The following TGFB2 variants were observed in gnomAD, a reference collection of about 807,000 sequenced individuals.
TGFB2 encodes transforming growth factor beta-2 proprotein.
Under a neutral mutation model 42.7 loss-of-function variants are expected in TGFB2, and 13 were observed. The observed-to-expected ratio is 0.30, with a 90% confidence interval of 0.20 to 0.48. TGFB2 has a LOEUF of 0.48. Ranked by LOEUF, TGFB2 falls within the 20% of genes least tolerant of loss-of-function variation. The pLI, the probability that TGFB2 is intolerant of heterozygous loss-of-function variation, is 0.99. For synonymous variants in TGFB2, 193 were observed against 193.6 expected (o/e 1.00, Z 0.03); for missense variants, 390 against 517.5 (o/e 0.75, Z 2.39).
At chr1:218,408,258 A>G (rs1263377039) in intron 2 of TGFB2, among the ~76,000 whole-genome samples, 5 of 152,026 alleles carry the variant, frequency 3.3e-5, no homozygotes, top group African/African-American at 4.8e-5. Context: ...GGCCCATCCC[A>G]TCTCCAGGAA....
At chr1:218,414,050 T>G (rs1399724088) in intron 2 of TGFB2, among the ~76,000 whole-genome samples, 1 of 152,168 alleles carries the variant, frequency 6.6e-6, no homozygotes, top group East Asian at 1.9e-4. Context: ...TGCAACAGAT[T>G]TTAAAATGCA....
At chr1:218,380,998 G>T (rs764825028) in intron 1 of TGFB2, among the ~76,000 whole-genome samples, 4 of 152,154 alleles carry the variant, frequency 2.6e-5, no homozygotes, top group Non-Finnish European at 4.4e-5. Context: ...AGCTGAGAGA[G>T]TTAATTACCC....
In TGFB2 at chr1:218,436,216, T is replaced by C. The variant is rs2102628787; in HGVS notation, c.932+69T>C. The C allele has an allele frequency of 6.5e-6, 10 of 1,533,346 alleles. No homozygotes were observed. The South Asian group carries it at 1.1e-4, about 17-fold the overall frequency. The allele number at this position is 1,533,346 out of a possible 1,614,324, so 95.0% of individuals were successfully genotyped here. On this transcript the variant is annotated intron_variant, in intron 5 of 6. Coordinates refer to ENST00000366930, the MANE Select transcript of TGFB2 (RefSeq NM_003238.6). ...TCTTAAACTGCCTTTGCCCTTTCTT[T>C]TACTGTGTATTGACCCAAGTGGAAC...
At chr1:218,438,800 C>T (rs754840753) in intron 6 of TGFB2, among the ~76,000 whole-genome samples, 9 of 152,106 alleles carry the variant, frequency 5.9e-5, no homozygotes, top group South Asian at 2.1e-4. Context: ...TCTTATCCAA[C>T]GCTTTCATTT....
intron 1 of TGFB2, among the ~76,000 whole-genome samples, chr1:218,371,420 T>C (rs1657567636): frequency 6.6e-6 from 1 of 152,230 alleles, no homozygotes; most frequent in Non-Finnish European, 1.5e-5. Context: ...GGCACTTTAT[T>C]GAAATATGAA....
At chr1:218,415,687 T>A (rs1659251188) in intron 2 of TGFB2, among the ~76,000 whole-genome samples, 1 of 107,690 alleles carries the variant, frequency 9.3e-6, no homozygotes, top group African/African-American at 4.1e-5. Flanking sequence ...AGAGCGAGAC[T>A]CTGTCTCAAA....
intron 1 of TGFB2, among the ~76,000 whole-genome samples, chr1:218,355,916 A>G (rs893095864): frequency 6.6e-6 from 1 of 152,252 alleles, no homozygotes; most frequent in African/African-American, 2.4e-5. Context: ...TGAAAAATAT[A>G]TAGAATCAGT....
chr1:218,401,547 A>G (rs1338665036), intron 1 of TGFB2, among the ~76,000 whole-genome samples: 1 of 152,202 alleles, frequency 6.6e-6, no homozygotes, highest in East Asian at 1.9e-4. Flanking sequence ...TTGAACTGAA[A>G]AAGTAGGTCA....
At chr1:218,380,445 A>G (rs540090892) in intron 1 of TGFB2, among the ~76,000 whole-genome samples, 13 of 152,302 alleles carry the variant, frequency 8.5e-5, no homozygotes, top group Admixed American at 6.5e-5. Context: ...AGTTCTCTTT[A>G]GATGGCCTGT....
rs1004546863 is a variant in TGFB2 at position 218,346,392 on chromosome 1, C to T, written c.-310C>T. The T allele has an allele frequency of 1.4e-5, 4 of 289,878 alleles. No individual in the cohort carries two copies. The highest frequency in any genetic ancestry group is 2.5e-5 in the Non-Finnish European group (4 of 158,978). The allele number at this position is 289,878 out of a possible 1,614,324, so 18.0% of individuals were successfully genotyped here. A position where few individuals can be genotyped will look rare whatever the true frequency, so the allele number is the denominator to read the frequency against. On this transcript the variant is annotated 5_prime_UTR_variant, in exon 1 of 7. Coordinates refer to ENST00000366930, the MANE Select transcript of TGFB2 (RefSeq NM_003238.6). The surrounding 1 kb of genome is among the most constrained non-coding windows in gnomAD (Gnocchi z 4.9). Reference sequence around the variant, plus strand: ...AATTTATTTCTACTTAATAGCCACTCGTCTCTTTTTTTCCCCATCTCATTG... The same window carrying T: ...AATTTATTTCTACTTAATAGCCACTTGTCTCTTTTTTTCCCCATCTCATTG...
intron 1 of TGFB2, among the ~76,000 whole-genome samples, chr1:218,360,589 T>C (rs1419936422): frequency 2.6e-5 from 4 of 152,156 alleles, no homozygotes; most frequent in South Asian, 2.1e-4. Flanking sequence ...ATGGGGTTGA[T>C]AGGTGCAGCA....
At position 218,346,738 on chromosome 1, in the gene TGFB2, C is replaced by A. The variant is rs763918203; in HGVS notation, c.37C>A (p.His13Asn). 31 of 1,613,740 alleles carry A rather than the reference C, an allele frequency of 1.9e-5. No individual in the cohort carries two copies. Among genetic ancestry groups the A allele is most frequent in the Admixed American group, 1.7e-4 (10 of 59,878 alleles). The change falls in exon 1 of 7, where the codon CAT becomes AAT. Residue 13 changes from histidine (H) to asparagine (N), a missense_variant. Coordinates refer to ENST00000366930, the MANE Select transcript of TGFB2 (RefSeq NM_003238.6). This position sits in a 1 kb window ranked among gnomAD's most constrained non-coding sequence, Gnocchi z 4.9. ...YCVLSAFLIL[H>N]LVTVALSLST... ...TGTGCTGAGCGCTTTTCTGATCCTG[C>A]ATCTGGTCACGGTCGCGCTCAGCCT...
chr1:218,385,372 G>C (rs1206382797), intron 1 of TGFB2, among the ~76,000 whole-genome samples: 1 of 152,194 alleles, frequency 6.6e-6, no homozygotes, highest in African/African-American at 2.4e-5. Flanking sequence ...ACGTGGACAT[G>C]CATTATCGTA....
At chr1:218,348,096 GA>G (rs1656753168) in intron 1 of TGFB2, among the ~76,000 whole-genome samples, 3 of 151,292 alleles carry the variant, frequency 2.0e-5, no homozygotes, top group African/African-American at 7.3e-5. Context: ...AAGAAAGAAA[GA>G]AAAGGGGCAG....
At chr1:218,402,151 C>T (rs763860724) in intron 1 of TGFB2, among the ~76,000 whole-genome samples, 2 of 152,212 alleles carry the variant, frequency 1.3e-5, no homozygotes, top group Non-Finnish European at 2.9e-5. Context: ...CCGGCCTGGT[C>T]GCTTCACCAT....
chr1:218,414,562 GT>G (rs1475988299), intron 2 of TGFB2, among the ~76,000 whole-genome samples: 1 of 151,772 alleles, frequency 6.6e-6, no homozygotes. Context: ...ATATCTCAGG[GT>G]TTTTTTTCAA....
rs879858632 is a variant in TGFB2, at chr1:218,444,513, C to A, written c.*3151C>A. 6.6e-6 allele frequency: 1 copy of A among 152,124 alleles called. No individual in the cohort carries two copies. Among genetic ancestry groups the A allele is most frequent in the Non-Finnish European group, 1.5e-5 (1 of 68,024 alleles). 9.4% of individuals were successfully genotyped at this position (152,124 alleles called of 1,614,324 possible). ...CTGCACCACAAACAAAAAAACCCACCCTATTTCCTCCAATTTTTTTGGCTG... is the reference window on the plus strand; with the variant it reads ...CTGCACCACAAACAAAAAAACCCACACTATTTCCTCCAATTTTTTTGGCTG... On this transcript the variant is annotated 3_prime_UTR_variant, in exon 7 of 7. Coordinates refer to ENST00000366930, the MANE Select transcript of TGFB2 (RefSeq NM_003238.6).
At chr1:218,376,499 G>T (rs1486208473) in intron 1 of TGFB2, among the ~76,000 whole-genome samples, 1 of 152,208 alleles carries the variant, frequency 6.6e-6, no homozygotes, top group Non-Finnish European at 1.5e-5. Flanking sequence ...GTAGGGATGA[G>T]TCCCTCTTGG....
chr1:218,369,409 C>T (rs1657500675), intron 1 of TGFB2, among the ~76,000 whole-genome samples: 1 of 151,976 alleles, frequency 6.6e-6, no homozygotes, highest in African/African-American at 2.4e-5. Context: ...ACAGACCTGC[C>T]TTATGCTGAG....
Sources: gnomAD v4.1 joint callset for allele counts (sites outside exome capture counted in the v4.1 genomes callset) on GRCh38, gnomAD v4.1.1 for gene constraint, Gnocchi (gnomAD v3.1) non-coding constraint, MANE v1.5 for transcripts, NCBI Gene and HGNC (gene_info 2026-07-23, HGNC 2026-07-21) for gene names.